NCBP2L: variants seen among roughly 807,000 people sequenced by gnomAD.
The protein encoded by NCBP2L is nuclear cap-binding protein subunit 2-like.
For synonymous variants in NCBP2L, 39 were observed against 19.2 expected (o/e 2.04, Z -2.70); for missense variants, 95 against 53.1 (o/e 1.79, Z -2.45).
At chrX:107,788,925 C>T (rs995714849) in intron 1 of NCBP2L, among the ~76,000 whole-genome samples, 4 of 111,214 alleles carry the variant, frequency 3.6e-5, no homozygotes, top group African/African-American at 1.3e-4. Flanking sequence ...TCTTCCTTTC[C>T]ACCCCAACTC....
chrX:107,782,250 AATATATATATAAAT>A (rs1930316355), intron 1 of NCBP2L, among the ~76,000 whole-genome samples: 2 of 4,113 alleles, frequency 4.9e-4, no homozygotes, highest in Non-Finnish European at 3.6e-4. Context: ...TATATATATA[AATATATATATAAAT>A]ATATATATAT....
At position 107,794,575 on chromosome X, in the gene NCBP2L, G is replaced by C. The variant is rs776596546; in HGVS notation, c.355G>C (p.Glu119Gln). The change falls in exon 2 of 2, where the codon GAG (glutamate) becomes CAG (glutamine). Residue 119 changes from glutamate to glutamine, a missense_variant. Coordinates refer to ENST00000509000, the MANE Select transcript of NCBP2L (RefSeq NM_001348372.2). ...ICTDWDVGFR[E>Q]GQQYGRGKSG... Reference sequence around the variant, plus strand: ...CACTGATTGGGATGTCGGTTTTAGAGAGGGTCAACAGTATGGTCGCGGTAA... The same window carrying C: ...CACTGATTGGGATGTCGGTTTTAGACAGGGTCAACAGTATGGTCGCGGTAA... The C allele has an allele frequency of 8.8e-6, 5 of 570,085 alleles. No individual in the cohort carries two copies. Among genetic ancestry groups the C allele is most frequent in the African/African-American group, 2.2e-5 (1 of 45,364 alleles). The allele number at this position is 570,085 out of a possible 1,213,427, so 47.0% of individuals were successfully genotyped here. A position where few individuals can be genotyped will look rare whatever the true frequency, so the allele number is the denominator to read the frequency against.
In NCBP2L at chrX:107,794,455, T is replaced by C. The variant is rs772696296; in HGVS notation, c.235T>C (p.Cys79Arg). 1.1e-5 allele frequency: 6 copies of C among 568,775 alleles called. No individual in the cohort carries two copies. In the Admixed American group the frequency reaches 1.3e-4, roughly 13 times the overall value. The allele number at this position is 568,775 out of a possible 1,213,427, so 46.9% of individuals were successfully genotyped here. The stretch of plus-strand genomic sequence containing the variant: ...CCTGGATAAAATAAAGAAAACAGCA[T>C]GTGGTTTTTGCTTTGTAGAATGCCA... ...MGLDKIKKTA[C>R]GFCFVECHNR... The change falls in exon 2 of 2, where the codon TGT becomes CGT. Residue 79 changes from cysteine (C) to arginine (R), a missense_variant. Transcript: ENST00000509000.
intron 1 of NCBP2L, among the ~76,000 whole-genome samples, chrX:107,780,421 T>C (rs1392750985): frequency 9.0e-6 from 1 of 110,651 alleles, no homozygotes; most frequent in East Asian, 2.8e-4. Flanking sequence ...ACCTTTATAG[T>C]CATTTTCTAC....
At chrX:107,782,232 TATAA>T (rs1262582303) in intron 1 of NCBP2L, among the ~76,000 whole-genome samples, 1 of 18,514 alleles carries the variant, frequency 5.4e-5, no homozygotes, top group African/African-American at 3.1e-4. Flanking sequence ...AATATATATA[TATAA>T]ATATATATAT....
chrX:107,790,016 A>G (rs1424915208), intron 1 of NCBP2L, among the ~76,000 whole-genome samples: 4 of 110,910 alleles, frequency 3.6e-5, no homozygotes, highest in African/African-American at 1.3e-4. Flanking sequence ...AGGTACCTCA[A>G]GACCAAACTC....
chrX:107,778,951 G>A (rs1035063110), intron 1 of NCBP2L, among the ~76,000 whole-genome samples: 15 of 111,149 alleles, frequency 1.3e-4, no homozygotes, highest in African/African-American at 4.6e-4. Context: ...AATAGGGGGT[G>A]GCATGTCTTG....
chrX:107,782,166 TATATATATATATATAA>T (rs1460174501), intron 1 of NCBP2L, among the ~76,000 whole-genome samples: 2 of 47,618 alleles, frequency 4.2e-5, no homozygotes, highest in African/African-American at 2.5e-4. Context: ...ACATCACGGC[TATATATATATATATAA>T]ATATATATAT....
At chrX:107,781,702 A>C (rs1485756169) in intron 1 of NCBP2L, among the ~76,000 whole-genome samples, 19 of 68,049 alleles carry the variant, frequency 2.8e-4, no homozygotes, top group Admixed American at 6.2e-4. Context: ...CTATATATAT[A>C]TATATATAGA....
At chrX:107,787,732 A>AT (rs1283606086) in intron 1 of NCBP2L, among the ~76,000 whole-genome samples, 3 of 112,064 alleles carry the variant, frequency 2.7e-5, no homozygotes, top group Non-Finnish European at 5.6e-5. Context: ...GAACAGTCTT[A>AT]TAAAGGTAAG....
intron 1 of NCBP2L, among the ~76,000 whole-genome samples, chrX:107,780,524 C>A (rs950868695): frequency 1.8e-4 from 20 of 110,280 alleles, no homozygotes; most frequent in African/African-American, 6.6e-4. Context: ...TGGCAAGGGG[C>A]AGAAATGGGA....
intron 1 of NCBP2L, among the ~76,000 whole-genome samples, chrX:107,780,964 T>C (rs1930257467): frequency 9.1e-6 from 1 of 110,180 alleles, no homozygotes; most frequent in African/African-American, 3.3e-5. Context: ...CTTGCTCTGT[T>C]GCCCAGAGCT....
intron 1 of NCBP2L, among the ~76,000 whole-genome samples, chrX:107,790,399 G>A (rs1930436125): frequency 9.0e-6 from 1 of 110,983 alleles, no homozygotes; most frequent in African/African-American, 3.3e-5. Flanking sequence ...ATGCAAATCA[G>A]ATCACATCAC....
At chrX:107,793,046 A>G (rs12116164) in intron 1 of NCBP2L, among the ~76,000 whole-genome samples, 20,876 of 111,440 alleles carry the variant, frequency 0.19, 2,010 homozygotes, top group African/African-American at 0.37. Flanking sequence ...TACTGGGGAC[A>G]CAGTGATTTC....
At chrX:107,777,883 G>A (rs1276860237) in intron 1 of NCBP2L, 25 bp downstream of exon 1, 1 of 111,517 alleles carries the variant, frequency 9.0e-6, no homozygotes, top group Non-Finnish European at 1.9e-5. Flanking sequence ...AGGTGCTGGG[G>A]GTCACTGACC....
intron 1 of NCBP2L, among the ~76,000 whole-genome samples, chrX:107,784,921 G>A (rs1930377134): frequency 9.2e-6 from 1 of 108,287 alleles, no homozygotes; most frequent in Non-Finnish European, 1.9e-5. Flanking sequence ...TGAGGCTGTA[G>A]TGAGCTGTGA....
intron 1 of NCBP2L, among the ~76,000 whole-genome samples, chrX:107,789,282 T>C (rs1264430257): frequency 3.8e-5 from 4 of 106,267 alleles, no homozygotes; most frequent in African/African-American, 1.4e-4. Context: ...CTCACCTCCA[T>C]GAGGACTTAC....
chrX:107,794,509 C>T lies in NCBP2L; in HGVS notation c.289C>T (p.Arg97Trp), dbSNP rs776948555. 28 of 568,134 alleles carry T rather than the reference C, an allele frequency of 4.9e-5. No homozygotes were observed. Among genetic ancestry groups the T allele is most frequent in the South Asian group, 2.5e-4 (11 of 44,811 alleles). 46.8% of individuals were successfully genotyped at this position (568,134 alleles called of 1,213,427 possible). A position where few individuals can be genotyped will look rare whatever the true frequency, so the allele number is the denominator to read the frequency against. The change falls in exon 2 of 2, where the codon CGG becomes TGG. Residue 97 changes from arginine to tryptophan, a missense_variant. Arg to Trp is a moderately radical substitution (Grantham distance 101, BLOSUM62 -3). Coordinates refer to ENST00000509000, the MANE Select transcript of NCBP2L (RefSeq NM_001348372.2). ...CAGAGCTGATGCTGAAAATGCCATG[C>T]GGTTTCTAACTGGGACCTGCCTAGA... is the stretch of plus-strand genomic sequence containing the variant. ...HNRADAENAMRFLTGTCLDEW... is the reference protein window; with the variant it reads ...HNRADAENAMWFLTGTCLDEW...
At chrX:107,783,373 T>A (rs1035689054) in intron 1 of NCBP2L, among the ~76,000 whole-genome samples, 68 of 90,000 alleles carry the variant, frequency 7.6e-4, no homozygotes, top group Non-Finnish European at 1.1e-3. Context: ...TTTTTTTTTT[T>A]TTTTTTATTT....
Sources: gnomAD v4.1 joint callset for allele counts (sites outside exome capture counted in the v4.1 genomes callset) on GRCh38, gnomAD v4.1.1 for gene constraint, MANE v1.5 for transcripts, NCBI Gene and HGNC (gene_info 2026-07-23, HGNC 2026-07-21) for gene names.